HMMR: variants seen among roughly 807,000 people sequenced by gnomAD.
The protein encoded by HMMR is hyaluronan mediated motility receptor.
In HMMR, 108 loss-of-function variants were observed where a neutral mutation model predicts 101.0. The ratio of observed to expected loss-of-function variants is 1.07; its 90% CI spans 0.92 to 1.25. The LOEUF (loss-of-function observed/expected upper bound fraction) is 1.25, where lower values mean the gene tolerates loss of function less well. Ranked by LOEUF, HMMR falls within the 50% of genes most tolerant of loss-of-function variation. The pLI is 0.00. For missense variants in HMMR, 813 were observed against 788.7 expected (o/e 1.03, Z -0.37); for synonymous variants, 296 against 276.4 (o/e 1.07, Z -0.70).
At chr5:163,488,566 C>T (rs894947016) in intron 16 of HMMR, among the ~76,000 whole-genome samples, 4 of 152,150 alleles carry the variant, frequency 2.6e-5, no homozygotes, top group African/African-American at 7.2e-5. Flanking sequence ...CCTCCCCAGA[C>T]CCCAACAGTA....
chr5:163,476,618 C>G (rs1220703733), intron 11 of HMMR, among the ~76,000 whole-genome samples: 1 of 152,098 alleles, frequency 6.6e-6, no homozygotes, highest in Non-Finnish European at 1.5e-5. Context: ...GGCACTCTAG[C>G]CTGGGCAACG....
chr5:163,479,231 T>C (rs1759174982), intron 12 of HMMR, among the ~76,000 whole-genome samples: 1 of 152,238 alleles, frequency 6.6e-6, no homozygotes, highest in Non-Finnish European at 1.5e-5. Context: ...ACTCATCCTA[T>C]CTTCCCACCT....
chr5:163,482,537 A>T, intron 12 of HMMR, 105 bp from the exon 13 acceptor site: 1 of 793,966 alleles, frequency 1.3e-6, no homozygotes, highest in South Asian at 1.8e-5. Context: ...TACATTAAAA[A>T]CTTTTTAGTT....
At chr5:163,491,032 A>C in intron 17 of HMMR, 80 bp from the exon 18 acceptor site, 5 of 687,246 alleles carry the variant, frequency 7.3e-6, no homozygotes, top group Non-Finnish European at 9.7e-6. Flanking sequence ...AGAAGATACA[A>C]GGCCTGTTTT....
At position 163,474,150 on chromosome 5, in the gene HMMR, G is replaced by A. The variant is rs2303078; in HGVS notation, c.998G>A (p.Arg333His). The A allele has an allele frequency of 0.047, 75,636 of 1,609,514 alleles. 1,985 individuals are homozygous for A. The highest frequency in any genetic ancestry group is 0.06 in the East Asian group (2,666 of 44,686). The change falls in exon 10 of 18, where the codon CGT (arginine) becomes CAT (histidine). Residue 333 changes from arginine to histidine, a missense_variant. Coordinates refer to ENST00000393915, the MANE Select transcript of HMMR (RefSeq NM_001142556.2). The stretch of plus-strand genomic sequence containing the variant: ...AAGTTTATTCTTGAACAACAGGAAC[G>A]TGAAAAGCTTCAACAAAAAGAATTA... ...KQKFILEQQE[R>H]EKLQQKELQI...
At chr5:163,464,634 G>A (rs1758642230) in intron 2 of HMMR, 89 bp from the exon 3 acceptor site, 1 of 892,772 alleles carries the variant, frequency 1.1e-6, no homozygotes, top group Middle Eastern at 3.3e-4. Flanking sequence ...AACAAAAAGA[G>A]AAAGACAAAA....
intron 3 of HMMR, among the ~76,000 whole-genome samples, chr5:163,466,533 G>T (rs1320752398): frequency 1.3e-5 from 2 of 152,000 alleles, no homozygotes; most frequent in East Asian, 1.9e-4. Context: ...ACTCGATTTT[G>T]TTAGTGGAAC....
chr5:163,485,198 A>G (rs1035473046), intron 16 of HMMR, among the ~76,000 whole-genome samples: 1 of 152,176 alleles, frequency 6.6e-6, no homozygotes, highest in African/African-American at 2.4e-5. Context: ...AGGAAGTATC[A>G]GACTACATTC....
chr5:163,471,741 T>A (rs1758897956), intron 7 of HMMR, among the ~76,000 whole-genome samples: 1 of 152,204 alleles, frequency 6.6e-6, no homozygotes, highest in South Asian at 2.1e-4. Context: ...GTCATTAGAT[T>A]GAAATTGAGA....
intron 2 of HMMR, among the ~76,000 whole-genome samples, chr5:163,464,159 G>A (rs1189898075): frequency 6.6e-6 from 1 of 152,110 alleles, no homozygotes; most frequent in Non-Finnish European, 1.5e-5. Context: ...AATTAAGCAA[G>A]ATACTTATAT....
At chr5:163,474,271 C>A in intron 10 of HMMR, 66 bp downstream of exon 10, 2 of 1,228,070 alleles carry the variant, frequency 1.6e-6, no homozygotes, top group Non-Finnish European at 2.3e-6. Flanking sequence ...TGTCTCTGAA[C>A]ACCTTTAAAT....
intron 11 of HMMR, among the ~76,000 whole-genome samples, chr5:163,476,490 G>C (rs1759073083): frequency 6.6e-6 from 1 of 152,096 alleles, no homozygotes; most frequent in African/African-American, 2.4e-5. Context: ...TGCAAAGCAG[G>C]CTGGCACAAT....
chr5:163,473,076 G>A (rs1376674299), intron 7 of HMMR, 103 bp from the exon 8 acceptor site: 1 of 626,262 alleles, frequency 1.6e-6, no homozygotes, highest in African/African-American at 1.9e-5. Context: ...TTAGGGCTCT[G>A]TAGTCAGCCT....
intron 3 of HMMR, chr5:163,465,017 T>G: frequency 4.0e-6 from 2 of 498,814 alleles, no homozygotes; most frequent in Non-Finnish European, 7.0e-6. Context: ...ATTATAATGG[T>G]CTTCAATTCT....
At chr5:163,475,348 A>G in intron 10 of HMMR, 110 bp from the exon 11 acceptor site, 1 of 564,520 alleles carries the variant, frequency 1.8e-6, no homozygotes, top group Non-Finnish European at 3.1e-6. Context: ...GTTTCCTTGA[A>G]TCTGTTGAAT....
chr5:163,480,185 C>T (rs1364447301), intron 12 of HMMR, among the ~76,000 whole-genome samples: 1 of 152,168 alleles, frequency 6.6e-6, no homozygotes, highest in Non-Finnish European at 1.5e-5. Context: ...ACAGATAACA[C>T]TGTCCTGAAG....
chr5:163,488,275 G>A (rs1163787781), intron 16 of HMMR, among the ~76,000 whole-genome samples: 1 of 152,112 alleles, frequency 6.6e-6, no homozygotes, highest in Non-Finnish European at 1.5e-5. Context: ...CCGTCAGCCA[G>A]GCAGTAAGGA....
At chr5:163,469,879 T>A in intron 5 of HMMR, 50 bp downstream of exon 5, 5 of 1,337,832 alleles carry the variant, frequency 3.7e-6, no homozygotes, top group Non-Finnish European at 5.2e-6. Flanking sequence ...ATAAACACGT[T>A]TTTTAGGGCC....
At chr5:163,468,996 G>A (rs992336613) in intron 4 of HMMR, among the ~76,000 whole-genome samples, 4 of 151,998 alleles carry the variant, frequency 2.6e-5, no homozygotes, top group African/African-American at 9.7e-5. Flanking sequence ...AAAACATTTA[G>A]CATTTTAAGC....
Sources: gnomAD v4.1 joint callset for allele counts (sites outside exome capture counted in the v4.1 genomes callset) on GRCh38, gnomAD v4.1.1 for gene constraint, MANE v1.5 for transcripts, NCBI Gene and HGNC (gene_info 2026-07-23, HGNC 2026-07-21) for gene names.